Variants in GNB3 observed in about 807,000 individuals in gnomAD.
GNB3 encodes G protein subunit beta 3.
In GNB3, 33 loss-of-function variants were observed where a neutral mutation model predicts 41.2. That is an observed-to-expected ratio of 0.80 (90% CI 0.61 to 1.07). The LOEUF (loss-of-function observed/expected upper bound fraction) is 1.07, where lower values mean the gene tolerates loss of function less well. Among genes scored for constraint, GNB3 ranks in the 50% least tolerant of loss-of-function variants. The probability of loss-of-function intolerance (pLI) is 0.00; values close to 1 mark genes in which losing one functional copy is unlikely to be tolerated. For missense variants in GNB3, 409 were observed against 455.3 expected (o/e 0.90, Z 0.92); for synonymous variants, 172 against 173.4 (o/e 0.99, Z 0.06).
At chr12:6,846,654 T>A in intron 9 of GNB3, 138 bp from the exon 10 acceptor site, 1 of 617,278 alleles carries the variant, frequency 1.6e-6, no homozygotes, top group Non-Finnish European at 3.0e-6. Context: ...CACACATGCA[T>A]ACACATGCAC....
chr12:6,841,512 A>C (rs1943573397), intron 2 of GNB3, 74 bp from the exon 3 acceptor site: 1 of 1,351,964 alleles, frequency 7.4e-7, no homozygotes, highest in South Asian at 1.2e-5. Flanking sequence ...CCCCAAGACC[A>C]ACCTGCCCTG....
Position 6,843,546 on chromosome 12 carries a change from T to C in GNB3, c.430+21T>C, listed in dbSNP as rs1591589514. On this transcript the variant is annotated intron_variant, in intron 6 of 9. Transcript: ENST00000229264. The surrounding 1 kb of genome is among the most constrained non-coding windows in gnomAD (Gnocchi z 5.9). ...CACAGGTGAGGGAGAGACCCTCTCCTCCCCTCCTGAGGGGTTCAGGGAACC... is the reference window on the plus strand; with the variant it reads ...CACAGGTGAGGGAGAGACCCTCTCCCCCCCTCCTGAGGGGTTCAGGGAACC... 4 of 1,613,416 alleles carry C rather than the reference T, an allele frequency of 2.5e-6. No homozygotes were observed. In the East Asian group the frequency reaches 8.9e-5, roughly 36 times the overall value.
Position 6,841,294 on chromosome 12 carries a change from G to A in GNB3, c.7G>A (p.Glu3Lys), listed in dbSNP as rs1259596509. The A allele has an allele frequency of 4.3e-6, 7 of 1,613,226 alleles. No homozygotes were observed. The African/African-American group carries it at 5.3e-5, about 12-fold the overall frequency. The change falls in exon 2 of 10, where the codon GAG becomes AAG. Residue 3 changes from glutamate (E) to lysine (K), a missense_variant. Physicochemically the swap from Glu to Lys is moderately conservative, Grantham distance 56. Transcript: ENST00000229264. Reference sequence around the variant, plus strand: ...ACCCCTCGACCTGTCAGCCATGGGGGAGATGGAGCAACTGCGTCAGGAAGC... The same window carrying A: ...ACCCCTCGACCTGTCAGCCATGGGGAAGATGGAGCAACTGCGTCAGGAAGC... MGEMEQLRQEAEQ... is the reference protein window; with the variant it reads MGKMEQLRQEAEQ...
intron 2 of GNB3, 31 bp downstream of exon 2, chr12:6,841,375 A>G (rs1555123343): frequency 6.3e-7 from 1 of 1,596,840 alleles, no homozygotes; most frequent in Non-Finnish European, 8.6e-7. Flanking sequence ...CTGGGGCCCC[A>G]GAAAACAGCT....
At position 6,843,358 on chromosome 12, in the gene GNB3, T is replaced by C; in HGVS notation, c.268-5T>C. ...CCATCTCTGCTCAAACCACCCTCCCTGCAGGTGCACGCCATCCCACTGCGC... is the reference window on the plus strand; with the variant it reads ...CCATCTCTGCTCAAACCACCCTCCCCGCAGGTGCACGCCATCCCACTGCGC... On this transcript the variant is annotated splice_polypyrimidine_tract_variant and splice_region_variant and intron_variant, in intron 5 of 9. Transcript: ENST00000229264. This position sits in a 1 kb window ranked among gnomAD's most constrained non-coding sequence, Gnocchi z 5.9. The C allele has an allele frequency of 6.2e-7, 1 of 1,613,820 alleles. No homozygotes were observed. Among genetic ancestry groups the C allele is most frequent in the South Asian group, 1.1e-5 (1 of 91,076 alleles).
At chr12:6,841,222 G>C in intron 1 of GNB3, 36 bp from the exon 2 acceptor site, 1 of 1,346,200 alleles carries the variant, frequency 7.4e-7, no homozygotes, top group Non-Finnish European at 1.1e-6. Flanking sequence ...CAGCCTGGTG[G>C]GGGGTTCCTC....
rs782199511 is a variant in GNB3 at position 6,843,505 on chromosome 12, G to A, written c.410G>A (p.Arg137Gln). ...KSREGNVKVS[R>Q]ELSAHTGYLS... ...CGTGAGGGCAATGTCAAGGTCAGCC[G>A]GGAGCTTTCTGCTCACACAGGTGAG... is the stretch of plus-strand genomic sequence containing the variant. The change falls in exon 6 of 10, where the codon CGG (arginine) becomes CAG (glutamine). Residue 137 changes from arginine to glutamine, a missense_variant. Coordinates refer to ENST00000229264, the MANE Select transcript of GNB3 (RefSeq NM_002075.4). The surrounding 1 kb of genome is among the most constrained non-coding windows in gnomAD (Gnocchi z 5.9). The A allele has an allele frequency of 1.6e-5, 26 of 1,614,138 alleles. No individual in the cohort carries two copies. Among genetic ancestry groups the A allele is most frequent in the African/African-American group, 9.3e-5 (7 of 75,038 alleles).
In GNB3 at chr12:6,843,140, G is replaced by A. The variant is rs781932319; in HGVS notation, c.204-34G>A. 1.9e-6 allele frequency: 3 copies of A among 1,609,934 alleles called. No individual in the cohort carries two copies. The Admixed American group carries it at 5.0e-5, about 27-fold the overall frequency. Reference sequence around the variant, plus strand: ...GCGGGAGTGAGGAAGGCGGGAAGGGGAGGCTTGCATGATATGGGATGCCCT... The same window carrying A: ...GCGGGAGTGAGGAAGGCGGGAAGGGAAGGCTTGCATGATATGGGATGCCCT... On this transcript the variant is annotated intron_variant, in intron 4 of 9. Coordinates refer to ENST00000229264, the MANE Select transcript of GNB3 (RefSeq NM_002075.4). This position sits in a 1 kb window ranked among gnomAD's most constrained non-coding sequence, Gnocchi z 5.9.
rs1365142672 is a variant in GNB3 at position 6,843,234 on chromosome 12, C to T, written c.264C>T (p.Asn88=). 6.2e-7 allele frequency: 1 copy of T among 1,613,888 alleles called. No homozygotes were observed. Among genetic ancestry groups the T allele is most frequent in the Non-Finnish European group, 8.5e-7 (1 of 1,179,768 alleles). ...TCGTGTGGGACAGCTACACCACCAA[C>T]AAGGTACCAGCCCTGCCTCCCTGAG... The part of the protein sequence containing the change: ...KLIVWDSYTT[N]KVHAIPLRSS... Residue 88 remains asparagine, a synonymous_variant, in exon 5 of 10, where the codon AAC becomes AAT. Coordinates refer to ENST00000229264, the MANE Select transcript of GNB3 (RefSeq NM_002075.4). This position sits in a 1 kb window ranked among gnomAD's most constrained non-coding sequence, Gnocchi z 5.9.
Position 6,845,566 on chromosome 12 carries a change from C to T in GNB3, c.700-20C>T. On this transcript the variant is annotated intron_variant, in intron 8 of 9. Coordinates refer to ENST00000229264, the MANE Select transcript of GNB3 (RefSeq NM_002075.4). ...CTGCCCAGGTCTGATCCCTGACCCA[C>T]TTGCCACCCGTGCCCTCAGTTCTTC... is the stretch of plus-strand genomic sequence containing the variant. 1 of 1,580,148 alleles carries T rather than the reference C, an allele frequency of 6.3e-7. No individual in the cohort carries two copies. The highest frequency in any genetic ancestry group is 8.6e-7 in the Non-Finnish European group (1 of 1,156,766).
chr12:6,846,990 C>A lies in GNB3; in HGVS notation c.*92C>A. On this transcript the variant is annotated 3_prime_UTR_variant, in exon 10 of 10. Coordinates refer to ENST00000229264, the MANE Select transcript of GNB3 (RefSeq NM_002075.4). ...CATTCAGGTGTTCTCTTCTATATTC[C>A]GGGTGCCATTCCCACTAAGCTTTCT... The A allele has an allele frequency of 1.4e-6, 1 of 739,998 alleles. No individual in the cohort carries two copies. The allele number at this position is 739,998 out of a possible 1,614,324, so 45.8% of individuals were successfully genotyped here.
chr12:6,842,644 C>G (rs1943594230), intron 3 of GNB3, among the ~76,000 whole-genome samples: 1 of 152,198 alleles, frequency 6.6e-6, no homozygotes, highest in African/African-American at 2.4e-5. Context: ...GCATCTCTTC[C>G]CAAATCTGTT....
In GNB3 at chr12:6,841,679, C is replaced by A. The variant is rs377388384; in HGVS notation, c.96+55C>A. On this transcript the variant is annotated intron_variant, in intron 3 of 9. Transcript: ENST00000229264. ...GCATGGGGGGAGGGGAAGGGAGCTCCCCGACCCGCAATAGCGCGTTGCTCC... is the reference window on the plus strand; with the variant it reads ...GCATGGGGGGAGGGGAAGGGAGCTCACCGACCCGCAATAGCGCGTTGCTCC... The A allele has an allele frequency of 3.7e-6, 5 of 1,344,946 alleles. No individual in the cohort carries two copies. In the East Asian group the frequency reaches 7.0e-5, roughly 19 times the overall value. The allele number at this position is 1,344,946 out of a possible 1,614,324, so 83.3% of individuals were successfully genotyped here.
In GNB3 at chr12:6,841,628, A is replaced by G. The variant is rs1943575870; in HGVS notation, c.96+4A>G. On this transcript the variant is annotated splice_donor_region_variant and intron_variant, in intron 3 of 9. Coordinates refer to ENST00000229264, the MANE Select transcript of GNB3 (RefSeq NM_002075.4). ...TGCTGACGTTACTCTGGCAGAGGTA[A>G]GACCCCCTGTCCCCCGGAAGGCAGG... 12 of 1,611,344 alleles carry G rather than the reference A, an allele frequency of 7.4e-6. No homozygotes were observed. Among genetic ancestry groups the G allele is most frequent in the Middle Eastern group, 1.6e-4 (1 of 6,078 alleles).
At chr12:6,841,082 C>G (rs1943564967) in intron 1 of GNB3, 49 bp downstream of exon 1, 8 of 588,900 alleles carry the variant, frequency 1.4e-5, no homozygotes, top group Non-Finnish European at 2.1e-5. Context: ...GGGGCGCAGG[C>G]AGGGCTCAGG....
Position 6,843,933 on chromosome 12 carries a change from C to T in GNB3, c.654C>T (p.Cys218=), listed in dbSNP as rs1471589777. 1 of 1,613,890 alleles carries T rather than the reference C, an allele frequency of 6.2e-7. No homozygotes were observed. The highest frequency in any genetic ancestry group is 8.5e-7 in the Non-Finnish European group (1 of 1,179,910). ...AKLWDVREGT[C]RQTFTGHESD... is the part of the protein sequence containing the mutation. The stretch of plus-strand genomic sequence containing the variant: ...TCTGGGATGTGCGAGAGGGGACCTG[C>T]CGTCAGACTTTCACTGGCCACGAGT... The change falls in exon 8 of 10, where the codon TGC becomes TGT. Residue 218 remains cysteine (C), a synonymous_variant. Coordinates refer to ENST00000229264, the MANE Select transcript of GNB3 (RefSeq NM_002075.4). This position sits in a 1 kb window ranked among gnomAD's most constrained non-coding sequence, Gnocchi z 5.9.
chr12:6,846,909 G>C lies in GNB3; in HGVS notation c.*11G>C. On this transcript the variant is annotated 3_prime_UTR_variant, in exon 10 of 10. Transcript: ENST00000229264. ...AAAATCTGGAACTGAGGAGGCTGGA[G>C]AAAGGGAAGTGGAAGGCAGTGAACA... 6.7e-7 allele frequency: 1 copy of C among 1,501,144 alleles called. No homozygotes were observed. Among genetic ancestry groups the C allele is most frequent in the East Asian group, 2.3e-5 (1 of 42,996 alleles). The allele number at this position is 1,501,144 out of a possible 1,614,324, so 93.0% of individuals were successfully genotyped here.
In GNB3 at chr12:6,843,170, C is replaced by T; in HGVS notation, c.204-4C>T. On this transcript the variant is annotated splice_polypyrimidine_tract_variant and splice_region_variant and intron_variant, in intron 4 of 9. Transcript: ENST00000229264. This position sits in a 1 kb window ranked among gnomAD's most constrained non-coding sequence, Gnocchi z 5.9. ...TTGCATGATATGGGATGCCCTCTCC[C>T]CAGGCTGCTGGTAAGTGCCTCGCAA... is the stretch of plus-strand genomic sequence containing the variant. 6.2e-7 allele frequency: 1 copy of T among 1,613,616 alleles called. No individual in the cohort carries two copies. Among genetic ancestry groups the T allele is most frequent in the Non-Finnish European group, 8.5e-7 (1 of 1,179,608 alleles).
Position 6,847,037 on chromosome 12 carries a change from A to G in GNB3, c.*139A>G, listed in dbSNP as rs1943720106. 2 of 624,370 alleles carry G rather than the reference A, an allele frequency of 3.2e-6. No homozygotes were observed. Among genetic ancestry groups the G allele is most frequent in the African/African-American group, 3.6e-5 (2 of 55,036 alleles). 38.7% of individuals were successfully genotyped at this position (624,370 alleles called of 1,614,324 possible). A position where few individuals can be genotyped will look rare whatever the true frequency, so the allele number is the denominator to read the frequency against. On this transcript the variant is annotated 3_prime_UTR_variant, in exon 10 of 10. Transcript: ENST00000229264. ...TTCTCCTTTGAGGGCAGTGGGGAGC[A>G]TGGGACTGTGCCTTTGGGAGGCAGC...
Sources: gnomAD v4.1 joint callset for allele counts (sites outside exome capture counted in the v4.1 genomes callset) on GRCh38, gnomAD v4.1.1 for gene constraint, Gnocchi (gnomAD v3.1) non-coding constraint, MANE v1.5 for transcripts, NCBI Gene and HGNC (gene_info 2026-07-23, HGNC 2026-07-21) for gene names.